The following NLRP7 variants were observed in gnomAD, a reference collection of about 807,000 sequenced individuals.
NLRP7 encodes NLR family pyrin domain containing 7, also known as NACHT, LRR and PYD domains-containing protein 7.
In NLRP7, 72 loss-of-function variants were observed where a neutral mutation model predicts 85.5. The observed-to-expected ratio is 0.84, with a 90% CI of 0.70 to 1.02. NLRP7 has a LOEUF of 1.02. Ranked by LOEUF, NLRP7 falls within the 50% of genes least tolerant of loss-of-function variation. NLRP7 has a pLI of 0.00. For synonymous variants in NLRP7, 550 were observed against 505.2 expected (o/e 1.09, Z -1.19); for missense variants, 1,243 against 1,219.5 (o/e 1.02, Z -0.29).
exon 5 of NLRP7, chr19:54,938,226 G>C (rs1171493148): frequency 1.9e-6 from 3 of 1,613,952 alleles, no homozygotes; most frequent in African/African-American, 2.7e-5. Flanking sequence ...AGTTCGGAAT[G>C]GTTAGGTAAG....
intron 9 of NLRP7, among the ~76,000 whole-genome samples, chr19:54,930,144 G>C (rs986121734): frequency 5.5e-5 from 8 of 144,740 alleles, no homozygotes; most frequent in African/African-American, 2.0e-4. Flanking sequence ...AGAAAACATA[G>C]AAATTAAGGA....
rs779833699 is a variant in NLRP7 at position 54,939,045 on chromosome 19, T to C, written c.1774A>G (p.Lys592Glu). The C allele has an allele frequency of 2.0e-5, 32 of 1,614,092 alleles. No individual in the cohort carries two copies. Among genetic ancestry groups the C allele is most frequent in the Admixed American group, 1.5e-4 (9 of 59,990 alleles). ...TTTGTCAGGTGAATAGAAATTTCCTTGAACGGGGCCACCACCACCTTCGCC... is the reference window on the plus strand; with the variant it reads ...TTTGTCAGGTGAATAGAAATTTCCTCGAACGGGGCCACCACCACCTTCGCC... The change falls in exon 4 of 10, where the codon AAG (lysine) becomes GAG (glutamate). Residue 592 changes from lysine to glutamate, a missense_variant. Physicochemically the swap from Lys to Glu is moderately conservative, Grantham distance 56. This residue lies in a region of NLRP7 where 613 missense variants were observed against 588.4 expected (regional missense o/e 1.04). Transcript: ENST00000340844.
intron 1 of NLRP7, among the ~76,000 whole-genome samples, chr19:54,964,262 G>A (rs1168341143): frequency 7.9e-6 from 1 of 126,268 alleles, no homozygotes; most frequent in Non-Finnish European, 1.6e-5. Flanking sequence ...TGTCGCCCAG[G>A]CTGGAGTGCA....
intron 4 of NLRP7, 144 bp from the exon 5 acceptor site, chr19:54,938,385 A>G (rs1278315281): frequency 2.8e-6 from 2 of 708,846 alleles, no homozygotes; most frequent in African/African-American, 3.5e-5. Flanking sequence ...ATTGCATCAC[A>G]TGCTTTGCTA....
intron 1 of NLRP7, among the ~76,000 whole-genome samples, chr19:54,943,981 C>T (rs2069356844): frequency 6.6e-6 from 1 of 152,022 alleles, no homozygotes; most frequent in Admixed American, 6.6e-5. Context: ...AAAGTCATCA[C>T]CACTCTCTAA....
chr19:54,936,482 T>C, intron 5 of NLRP7, 51 bp from the exon 6 acceptor site: 1 of 1,431,756 alleles, frequency 7.0e-7, no homozygotes, highest in Non-Finnish European at 9.9e-7. Flanking sequence ...ACTCACATTG[T>C]GTGGAGGCAT....
Position 54,961,952 on chromosome 19 carries a change from A to G in NLRP7, c.-77+4088T>C, listed in dbSNP as rs189664901. On this transcript the variant is annotated intron_variant, in intron 1 of 2. Transcript: ENST00000587103. ...GGCGGGTGGATCACCTGAGGTCAGG[A>G]GTTCAAGAACAGCCTGGCCAAAAGG... Among the ~76,000 whole-genome samples the G allele has an allele frequency of 1.5e-4, 22 of 151,662 alleles. 1 individual carries two copies. The highest frequency in any genetic ancestry group is 3.1e-4 in the Non-Finnish European group (21 of 67,816).
chr19:54,948,603 C>T (rs539370392), upstream of NLRP7, among the ~76,000 whole-genome samples: 1 of 152,044 alleles, frequency 6.6e-6, no homozygotes, highest in African/African-American at 2.4e-5. Context: ...TGGAGTCTTG[C>T]TCTGTGGCCC....
exon 4 of NLRP7, chr19:54,939,132 A>T (rs2069083243): frequency 6.2e-7 from 1 of 1,614,216 alleles, no homozygotes; most frequent in East Asian, 2.2e-5. Flanking sequence ...GTCACGGATA[A>T]GGGCTTATTT....
chr19:54,955,354 G>A (rs982034222), intron 1 of NLRP7, among the ~76,000 whole-genome samples: 3 of 151,920 alleles, frequency 2.0e-5, no homozygotes, highest in Admixed American at 1.3e-4. Flanking sequence ...AAAATCATTG[G>A]AATAATTTTC....
intron 8 of NLRP7, among the ~76,000 whole-genome samples, chr19:54,932,105 C>T (rs938237199): frequency 2.0e-5 from 3 of 152,042 alleles, no homozygotes; most frequent in East Asian, 1.9e-4. Flanking sequence ...CTTCGTATAA[C>T]GATCAGGTAG....
At chr19:54,923,585 G>T (rs924728078) in exon 10 of NLRP7, 8 of 852,634 alleles carry the variant, frequency 9.4e-6, no homozygotes, top group African/African-American at 6.6e-5. Context: ...CGTGACTCGT[G>T]CAGAATCTCC....
At position 54,938,214 on chromosome 19, in the gene NLRP7, C is replaced by T. The variant is rs2069028026; in HGVS notation, c.1959G>A (p.Trp653Ter). ...GAAGAGAGCGAAGATCCTGCCGAGC[C>T]CAGTTCGGAATGGTTAGGTAAGTGC... Residue 653 changes from tryptophan to a stop codon, truncating the protein, a stop_gained, in exon 5 of 10, where the codon TGG (tryptophan) becomes TGA (stop). Coordinates refer to ENST00000340844, the Ensembl canonical transcript of NLRP7. LOFTEE classifies it high-confidence loss of function. 1 of 1,613,924 alleles carries T rather than the reference C, an allele frequency of 6.2e-7. No individual in the cohort carries two copies. The highest frequency in any genetic ancestry group is 1.7e-5 in the Admixed American group (1 of 59,934).
exon 1 of NLRP7, chr19:54,966,102 C>T (rs1317226391): frequency 1.3e-5 from 2 of 151,152 alleles, no homozygotes; most frequent in African/African-American, 2.4e-5. Context: ...TTCTCAGCCT[C>T]GGCCGCAATC....
intron 9 of NLRP7, chr19:54,927,747 A>G (rs141473720): frequency 1.1e-5 from 18 of 1,614,028 alleles, no homozygotes; most frequent in Admixed American, 3.3e-5. Flanking sequence ...TGCTGACAAT[A>G]GAAAGGCATG....
At chr19:54,951,326 CA>C (rs138810447), upstream of NLRP7, among the ~76,000 whole-genome samples, 7,448 of 152,118 alleles carry the variant, frequency 0.049, 220 homozygotes, top group South Asian at 0.087. Flanking sequence ...GCAGATGGAT[CA>C]CTTAAGGTCA....
chr19:54,937,198 A>T (rs1411290692), intron 5 of NLRP7, among the ~76,000 whole-genome samples: 3 of 151,530 alleles, frequency 2.0e-5, no homozygotes, highest in African/African-American at 7.3e-5. Context: ...AGCCTGGGGA[A>T]CATAGCGAGA....
intron 9 of NLRP7, among the ~76,000 whole-genome samples, chr19:54,929,561 CTT>C (rs1402575935): frequency 6.6e-6 from 1 of 152,036 alleles, no homozygotes; most frequent in East Asian, 1.9e-4. Context: ...TTTGTGGAGA[CTT>C]TGCATTTTCT....
At chr19:54,951,468 C>G (rs1429337418), upstream of NLRP7, among the ~76,000 whole-genome samples, 1 of 151,810 alleles carries the variant, frequency 6.6e-6, no homozygotes, top group Admixed American at 6.6e-5. Context: ...TGTTTGAACC[C>G]GGGAGGCAGA....
Sources: allele counts gnomAD v4.1 joint callset (sites outside exome capture counted in the v4.1 genomes callset), GRCh38; gene constraint gnomAD v4.1.1; regional missense constraint gnomAD v4.1.1; transcripts MANE v1.5; gene names NCBI Gene and HGNC (gene_info 2026-07-23, HGNC 2026-07-21).